GOLM1: variants seen among roughly 807,000 people sequenced by gnomAD.
The protein encoded by GOLM1 is epididymis luminal protein 46.
GOLM1 carries 31 observed loss-of-function variants against 50.5 expected under a neutral mutation model. The ratio of observed to expected loss-of-function variants is 0.61; its 90% CI spans 0.46 to 0.83. The LOEUF (loss-of-function observed/expected upper bound fraction) is 0.83, where lower values mean the gene tolerates loss of function less well. Among genes scored for constraint, GOLM1 ranks in the 40% least tolerant of loss-of-function variants. GOLM1 has a pLI of 0.00. For synonymous variants in GOLM1, 178 were observed against 192.8 expected (o/e 0.92, Z 0.64); for missense variants, 491 against 501.3 (o/e 0.98, Z 0.20).
chr9:86,047,434 C>T (rs749894580), intron 4 of GOLM1, among the ~76,000 whole-genome samples: 8 of 152,296 alleles, frequency 5.3e-5, no homozygotes, highest in Admixed American at 2.6e-4. Flanking sequence ...TTACGATACA[C>T]ACAACACGGA....
At position 86,027,505 on chromosome 9, in the gene GOLM1, G is replaced by A. The variant is rs1055059776; in HGVS notation, c.*312C>T. 2.0e-5 allele frequency: 23 copies of A among 1,145,404 alleles called. No homozygotes were observed. In the African/African-American group the frequency reaches 3.8e-4, roughly 19 times the overall value. 71.0% of individuals were successfully genotyped at this position (1,145,404 alleles called of 1,614,324 possible). ...TTAATTTACACAAAGTTATATTCCA[G>A]AATCAGGAAGCCCCGCTGTCGCCAA... On this transcript the variant is annotated 3_prime_UTR_variant, in exon 10 of 10. Transcript: ENST00000388712.
In GOLM1 at chr9:86,036,630, G is replaced by A. The variant is rs541420297; in HGVS notation, c.598-123C>T. The A allele has an allele frequency of 3.6e-4, 342 of 953,334 alleles. 1 individual carries two copies. Among genetic ancestry groups the A allele is most frequent in the South Asian group, 6.5e-4 (39 of 60,154 alleles). 59.1% of individuals were successfully genotyped at this position (953,334 alleles called of 1,614,324 possible). On this transcript the variant is annotated intron_variant, in intron 6 of 9. Coordinates refer to ENST00000388712, the MANE Select transcript of GOLM1 (RefSeq NM_016548.4). Reference sequence around the variant, plus strand: ...ACCATATCCTTCCAACCAAGACCCCGAGAAACGCCACAGTCTACTCTGGTC... The same window carrying A: ...ACCATATCCTTCCAACCAAGACCCCAAGAAACGCCACAGTCTACTCTGGTC...
intron 8 of GOLM1, among the ~76,000 whole-genome samples, chr9:86,033,939 T>C (rs925643458): frequency 2.0e-5 from 3 of 151,892 alleles, no homozygotes; most frequent in Admixed American, 6.6e-5. Context: ...ATATTTTATA[T>C]GTGTATGCAG....
At chr9:86,088,725 T>A (rs960040076) in intron 1 of GOLM1, among the ~76,000 whole-genome samples, 1 of 151,962 alleles carries the variant, frequency 6.6e-6, no homozygotes, top group Non-Finnish European at 1.5e-5. Context: ...AATTTGCCAG[T>A]CTGTGTCTTT....
intron 1 of GOLM1, among the ~76,000 whole-genome samples, chr9:86,097,848 A>G (rs1482984115): frequency 2.6e-5 from 4 of 152,162 alleles, no homozygotes; most frequent in Non-Finnish European, 5.9e-5. Flanking sequence ...TGCTATGGTC[A>G]GCTGTCCTAA....
At chr9:86,052,021 C>G (rs1029412519) in intron 4 of GOLM1, among the ~76,000 whole-genome samples, 1 of 152,114 alleles carries the variant, frequency 6.6e-6, no homozygotes, top group Non-Finnish European at 1.5e-5. Flanking sequence ...CCTCCTGTCA[C>G]TCCTGTCACA....
Position 86,077,511 on chromosome 9 carries a change from G to C in GOLM1, c.210C>G (p.Phe70Leu), listed in dbSNP as rs1386855387. Residue 70 changes from phenylalanine (F) to leucine (L), a missense_variant, in exon 3 of 10, where the codon TTC becomes TTG. Phe to Leu is a conservative substitution (Grantham distance 22). Transcript: ENST00000388712. ...CCCGCTGCTTCTCCAGCTCTCCCTG[G>C]AACTCGTTCTTCTTCAGCTCCACGG... The part of the protein sequence containing the change: ...RGAVELKKNE[F>L]QGELEKQREQ... 3.1e-6 allele frequency: 5 copies of C among 1,613,460 alleles called. No individual in the cohort carries two copies. The Admixed American group carries it at 5.0e-5, about 16-fold the overall frequency.
At chr9:86,085,160 A>G (rs893037136) in intron 1 of GOLM1, 4 of 152,342 alleles carry the variant, frequency 2.6e-5, no homozygotes, top group Non-Finnish European at 5.9e-5. Context: ...CCGACATGGT[A>G]ACATAGAAAA....
chr9:86,038,996 AAG>A (rs1332253447), intron 6 of GOLM1, among the ~76,000 whole-genome samples: 1 of 152,226 alleles, frequency 6.6e-6, no homozygotes, highest in Admixed American at 6.5e-5. Flanking sequence ...AAACACCAGC[AAG>A]AAAGTGAAAA....
intron 1 of GOLM1, among the ~76,000 whole-genome samples, chr9:86,080,516 G>A (rs1017318125): frequency 6.6e-6 from 1 of 152,116 alleles, no homozygotes; most frequent in Non-Finnish European, 1.5e-5. Context: ...TAAGGAAGAG[G>A]ATACCACCAA....
intron 5 of GOLM1, among the ~76,000 whole-genome samples, chr9:86,045,695 TACACACAC>T (rs771914212): frequency 1.4e-5 from 2 of 147,578 alleles, no homozygotes; most frequent in Non-Finnish European, 3.0e-5. Context: ...AAAAAGTATA[TACACACAC>T]ACACACACAC....
chr9:86,056,412 A>C (rs1258220283), intron 3 of GOLM1, among the ~76,000 whole-genome samples: 1 of 151,654 alleles, frequency 6.6e-6, no homozygotes, highest in Non-Finnish European at 1.5e-5. Context: ...AAACTACGAA[A>C]ATGCTTCTTA....
intron 9 of GOLM1, among the ~76,000 whole-genome samples, chr9:86,029,554 A>T (rs1832904708): frequency 6.6e-6 from 1 of 152,236 alleles, no homozygotes; most frequent in African/African-American, 2.4e-5. Context: ...GTCTTGATTT[A>T]TAACTATGGC....
intron 1 of GOLM1, among the ~76,000 whole-genome samples, chr9:86,098,994 C>T (rs1835442385): frequency 6.6e-6 from 1 of 152,204 alleles, no homozygotes; most frequent in Admixed American, 6.5e-5. Flanking sequence ...CAGCCTCCCG[C>T]GCCTGGTGCA....
chr9:86,070,219 ACTG>A (rs1834408640), intron 3 of GOLM1, among the ~76,000 whole-genome samples: 7 of 152,268 alleles, frequency 4.6e-5, no homozygotes, highest in African/African-American at 9.6e-5. Context: ...ACAAAACAAA[ACTG>A]CAACTGCTTT....
chr9:86,088,823 T>C (rs753085139), intron 1 of GOLM1, among the ~76,000 whole-genome samples: 1 of 152,152 alleles, frequency 6.6e-6, no homozygotes, highest in African/African-American at 2.4e-5. Context: ...ACTGGTTATT[T>C]TGTCCATTAG....
intron 3 of GOLM1, among the ~76,000 whole-genome samples, chr9:86,074,365 G>A (rs866694734): frequency 6.6e-6 from 1 of 152,056 alleles, no homozygotes; most frequent in Non-Finnish European, 1.5e-5. Flanking sequence ...ATCTAAAGAA[G>A]ATGTTTTTAA....
intron 6 of GOLM1, among the ~76,000 whole-genome samples, chr9:86,037,909 C>T (rs1005056214): frequency 6.6e-6 from 1 of 152,056 alleles, no homozygotes; most frequent in East Asian, 1.9e-4. Context: ...AATGCCAGTA[C>T]TTTGGGAGGC....
In GOLM1 at chr9:86,036,363, T is replaced by G; in HGVS notation, c.742A>C (p.Arg248=). The G allele has an allele frequency of 6.2e-7, 1 of 1,614,184 alleles. No individual in the cohort carries two copies. The highest frequency in any genetic ancestry group is 8.5e-7 in the Non-Finnish European group (1 of 1,180,028). The change falls in exon 7 of 10, where the codon AGA becomes CGA. Residue 248 remains arginine, a synonymous_variant. Transcript: ENST00000388712. The stretch of plus-strand genomic sequence containing the variant: ...CTCTGCTTACCTTTCTCAACTTGTC[T>G]CTTTGAATCCAAAACCACTTCGGAA... ...PSSEVVLDSK[R]QVEKEETNEI...
Sources: allele counts gnomAD v4.1 joint callset (sites outside exome capture counted in the v4.1 genomes callset), GRCh38; gene constraint gnomAD v4.1.1; transcripts MANE v1.5; gene names NCBI Gene and HGNC (gene_info 2026-07-23, HGNC 2026-07-21).